Variants in GNPAT observed in about 807,000 individuals in gnomAD.
GNPAT encodes glyceronephosphate O-acyltransferase, also known as dihydroxyacetone phosphate acyltransferase.
A neutral mutation model predicts 78.4 loss-of-function variants in GNPAT; 30 were observed. The ratio of observed to expected loss-of-function variants is 0.38; its 90% confidence interval spans 0.29 to 0.52. The LOEUF (loss-of-function observed/expected upper bound fraction) is 0.52, where lower values mean the gene tolerates loss of function less well. Among genes scored for constraint, GNPAT ranks in the 20% least tolerant of loss-of-function variants. The pLI is 0.84. For synonymous variants in GNPAT, 271 were observed against 281.1 expected, an observed-to-expected ratio of 0.96 and a Z score of 0.36; for missense variants, 714 against 812.2, an observed-to-expected ratio of 0.88 and a Z score of 1.47.
intron 14 of GNPAT, among the ~76,000 whole-genome samples, 156 bp downstream of exon 14, chr1:231,275,654 A>G (rs375727180): frequency 4.6e-5 from 7 of 152,342 alleles, no homozygotes; most frequent in African/African-American, 1.7e-4. Flanking sequence ...AGTGTGAGTT[A>G]TCCTGAAAAT....
intron 3 of GNPAT, 50 bp downstream of exon 3, chr1:231,260,733 A>T: frequency 8.1e-7 from 1 of 1,228,042 alleles, no homozygotes; most frequent in South Asian, 1.3e-5. Context: ...TCATCTTAAA[A>T]TTAAACAAAA....
intron 7 of GNPAT, 38 bp downstream of exon 7, chr1:231,266,203 G>A (rs1288299473): frequency 6.2e-7 from 1 of 1,612,566 alleles, no homozygotes; most frequent in Non-Finnish European, 8.5e-7. Flanking sequence ...GAGAGAATGT[G>A]CTGACTGACA....
At chr1:231,250,738 GAAATATAATA>G (rs1034507972) in intron 1 of GNPAT, among the ~76,000 whole-genome samples, 3 of 152,080 alleles carry the variant, frequency 2.0e-5, no homozygotes, top group African/African-American at 7.2e-5. Flanking sequence ...ATAGCAATCA[GAAATATAATA>G]AAATATTATG....
In GNPAT at chr1:231,252,913, G is replaced by A. The variant is rs190202981; in HGVS notation, c.261+1770G>A. On this transcript the variant is annotated intron_variant, in intron 2 of 15. Transcript: ENST00000366647. ...CTTCCCCATAGACAGAACTGACTCCGTTCATGTTTAAGGCCTCTCCCTGAC... is the reference window on the plus strand; with the variant it reads ...CTTCCCCATAGACAGAACTGACTCCATTCATGTTTAAGGCCTCTCCCTGAC... Among the ~76,000 whole-genome samples, 343 of 152,120 alleles carry A rather than the reference G, an allele frequency of 2.3e-3. 1 individual carries two copies. In the Middle Eastern group the frequency reaches 0.031, roughly 14 times the overall value.
At chr1:231,244,606 A>G (rs547992828) in intron 1 of GNPAT, among the ~76,000 whole-genome samples, 1 of 152,292 alleles carries the variant, frequency 6.6e-6, no homozygotes, top group East Asian at 1.9e-4. Context: ...TTTGTGATGT[A>G]AGAGAGAAAT....
chr1:231,250,964 G>A lies in GNPAT; in HGVS notation c.82G>A (p.Glu28Lys), dbSNP rs780733209. The A allele has an allele frequency of 1.2e-6, 2 of 1,602,922 alleles. No individual in the cohort carries two copies. Among genetic ancestry groups the A allele is most frequent in the East Asian group, 2.2e-5 (1 of 44,782 alleles). ...TACTTTCTTGCCTTATCCACAGAAG[G>A]AGCTCAAAAAGTGGGATGAGTTTGA... ...PSAVVLLYSKELKKWDEFEDI... is the reference protein window; with the variant it reads ...PSAVVLLYSKKLKKWDEFEDI... Residue 28 changes from glutamate to lysine, a missense_variant, in exon 2 of 16, where the codon GAG (glutamate) becomes AAG (lysine). Transcript: ENST00000366647.
At chr1:231,268,258 G>T (rs1056247106) in intron 9 of GNPAT, among the ~76,000 whole-genome samples, 11 of 152,044 alleles carry the variant, frequency 7.2e-5, no homozygotes, top group African/African-American at 2.4e-4. Context: ...AGCCGAGATT[G>T]TGCCACTGCA....
chr1:231,265,645 A>G lies in GNPAT; in HGVS notation c.697-67A>G, dbSNP rs1196443172. The G allele has an allele frequency of 3.4e-5, 35 of 1,027,468 alleles. No individual in the cohort carries two copies. The East Asian group carries it at 8.3e-4, about 24-fold the overall frequency. 63.6% of individuals were successfully genotyped at this position (1,027,468 alleles called of 1,614,324 possible). Reference sequence around the variant, plus strand: ...GGGAGGGAGCTTGGGAAAAGGAATCAAAAGAAGCATTTATCATTTTGAGAG... The same window carrying G: ...GGGAGGGAGCTTGGGAAAAGGAATCGAAAGAAGCATTTATCATTTTGAGAG... On this transcript the variant is annotated intron_variant, in intron 5 of 15. Coordinates refer to ENST00000366647, the MANE Select transcript of GNPAT (RefSeq NM_014236.4).
In GNPAT at chr1:231,265,417, A is replaced by T; in HGVS notation, c.693A>T (p.Leu231Phe). The part of the protein sequence containing the change: ...AVFSEYVKTM[L>F]RNGYAPVEFF... ...TCTCTGAATATGTAAAAACTATGTT[A>T]CGGGTAAATGCAAATAATTCCCAAC... Residue 231 changes from leucine to phenylalanine, a missense_variant, in exon 5 of 16, where the codon TTA becomes TTT. Transcript: ENST00000366647. 1 of 1,606,434 alleles carries T rather than the reference A, an allele frequency of 6.2e-7. No individual in the cohort carries two copies. Among genetic ancestry groups the T allele is most frequent in the Non-Finnish European group, 8.5e-7 (1 of 1,172,942 alleles).
At chr1:231,273,677 G>A (rs1685630094) in intron 11 of GNPAT, among the ~76,000 whole-genome samples, 1 of 152,148 alleles carries the variant, frequency 6.6e-6, no homozygotes, top group Admixed American at 6.5e-5. Context: ...GATTTGTAAG[G>A]CTCAGAAATG....
chr1:231,265,825 A>G (rs961744944), intron 6 of GNPAT, 38 bp downstream of exon 6: 3 of 1,274,730 alleles, frequency 2.4e-6, no homozygotes, highest in Middle Eastern at 3.7e-4. Flanking sequence ...ATACAAACCC[A>G]AAGACATCAG....
intron 1 of GNPAT, among the ~76,000 whole-genome samples, chr1:231,250,104 A>G (rs1684852132): frequency 6.9e-6 from 1 of 145,694 alleles, no homozygotes. Flanking sequence ...TATTATTATT[A>G]TTATTTTATT....
intron 6 of GNPAT, 48 bp from the exon 7 acceptor site, chr1:231,265,966 C>T (rs1464868609): frequency 1.1e-5 from 16 of 1,518,928 alleles, no homozygotes; most frequent in Non-Finnish European, 1.4e-5. Context: ...CTCATGTTTG[C>T]TCTGCTCTTC....
chr1:231,276,730 T>C (rs1685727804), intron 15 of GNPAT, among the ~76,000 whole-genome samples: 1 of 152,214 alleles, frequency 6.6e-6, no homozygotes, highest in African/African-American at 2.4e-5. Flanking sequence ...TTCCTTGACA[T>C]AAGAGTCCTT....
intron 4 of GNPAT, among the ~76,000 whole-genome samples, chr1:231,264,825 A>G (rs552859166): frequency 6.6e-6 from 1 of 152,332 alleles, no homozygotes; most frequent in African/African-American, 2.4e-5. Flanking sequence ...ATGGCTGACT[A>G]AAGACATTGA....
chr1:231,259,823 A>G (rs1685174475), intron 2 of GNPAT, among the ~76,000 whole-genome samples: 1 of 152,184 alleles, frequency 6.6e-6, no homozygotes, highest in Non-Finnish European at 1.5e-5. Flanking sequence ...TACTTATCCT[A>G]CAGACTTCAT....
chr1:231,258,579 A>G lies in GNPAT; in HGVS notation c.262-1928A>G, dbSNP rs980883407. Among the ~76,000 whole-genome samples the G allele has an allele frequency of 4.7e-5, 7 of 149,922 alleles. No individual in the cohort carries two copies. The South Asian group carries it at 6.3e-4, about 13-fold the overall frequency. On this transcript the variant is annotated intron_variant, in intron 2 of 15. Transcript: ENST00000366647. ...ACACCACTGAGCTGTATACTTAAAA[A>G]TGGTTAAAATGGCATATTTTATGTT...
chr1:231,261,332 ATTTTT>A (rs111676811), intron 3 of GNPAT, among the ~76,000 whole-genome samples: 1 of 145,298 alleles, frequency 6.9e-6, no homozygotes, highest in Non-Finnish European at 1.5e-5. Flanking sequence ...TTTCATGCTA[ATTTTT>A]TTTTTTTTTA....
At chr1:231,260,718 A>C in intron 3 of GNPAT, 35 bp downstream of exon 3, 1 of 1,364,778 alleles carries the variant, frequency 7.3e-7, no homozygotes, top group Non-Finnish European at 1.0e-6. Context: ...AAAGAAATAA[A>C]AGTCTCATCT....
Sources: allele counts gnomAD v4.1 joint callset (sites outside exome capture counted in the v4.1 genomes callset), GRCh38; gene constraint gnomAD v4.1.1; transcripts MANE v1.5; gene names NCBI Gene and HGNC (gene_info 2026-07-23, HGNC 2026-07-21).